ADAMTS2: variants seen among roughly 807,000 people sequenced by gnomAD.
ADAMTS2 encodes A disintegrin and metalloproteinase with thrombospondin motifs 2.
In ADAMTS2, 50 loss-of-function variants were observed where a neutral mutation model predicts 123.0. That is an observed-to-expected ratio of 0.41 (90% CI 0.32 to 0.51). The LOEUF is 0.51. Among genes scored for constraint, ADAMTS2 ranks in the 20% least tolerant of loss-of-function variants. The probability of loss-of-function intolerance (pLI) is 0.35; values close to 1 mark genes in which losing one functional copy is unlikely to be tolerated. For synonymous variants in ADAMTS2, 678 were observed against 695.4 expected (o/e 0.98, Z 0.39); for missense variants, 1,494 against 1,705.2 (o/e 0.88, Z 2.18).
At chr5:179,293,203 G>A (rs1250165358) in intron 2 of ADAMTS2, among the ~76,000 whole-genome samples, 2 of 152,238 alleles carry the variant, frequency 1.3e-5, no homozygotes, top group African/African-American at 4.8e-5. Flanking sequence ...TATTGGTGTT[G>A]CTTTGTCCTG....
chr5:179,275,331 G>C (rs2113518084), intron 2 of ADAMTS2, among the ~76,000 whole-genome samples: 1 of 152,222 alleles, frequency 6.6e-6, no homozygotes, highest in African/African-American at 2.4e-5. Flanking sequence ...AAATGGACAG[G>C]ACGTGGTAGG....
At chr5:179,135,876 G>A (rs898329971) in intron 13 of ADAMTS2, 33 bp downstream of exon 13, 11 of 1,612,040 alleles carry the variant, frequency 6.8e-6, no homozygotes, top group African/African-American at 2.7e-5. Flanking sequence ...GACTTGACAC[G>A]GTAGCCCCCC....
intron 6 of ADAMTS2, among the ~76,000 whole-genome samples, chr5:179,156,362 T>C (rs1344818183): frequency 1.3e-5 from 2 of 149,940 alleles, no homozygotes; most frequent in South Asian, 2.1e-4. Flanking sequence ...GCTTTCGATT[T>C]TTTTTTTTTT....
chr5:179,221,702 G>A (rs978580432), intron 3 of ADAMTS2, among the ~76,000 whole-genome samples: 2 of 152,120 alleles, frequency 1.3e-5, no homozygotes, highest in Non-Finnish European at 2.9e-5. Context: ...AGGCTCCCTG[G>A]ATCTGCCCAG....
At chr5:179,157,126 C>T (rs1274353079) in intron 6 of ADAMTS2, among the ~76,000 whole-genome samples, 1 of 151,994 alleles carries the variant, frequency 6.6e-6, no homozygotes, top group African/African-American at 2.4e-5. Context: ...ACTACACTGG[C>T]TAATTTTTGT....
At chr5:179,297,232 C>T (rs868273293) in intron 2 of ADAMTS2, among the ~76,000 whole-genome samples, 2 of 152,096 alleles carry the variant, frequency 1.3e-5, no homozygotes, top group African/African-American at 2.4e-5. Context: ...GGAAATGGGC[C>T]GGATTGATTT....
intron 5 of ADAMTS2, among the ~76,000 whole-genome samples, chr5:179,168,775 C>T (rs969652762): frequency 1.5e-4 from 23 of 152,226 alleles, no homozygotes; most frequent in Admixed American, 1.1e-3. Flanking sequence ...CTACCGTGCC[C>T]CCCAGCTGAG....
intron 2 of ADAMTS2, among the ~76,000 whole-genome samples, chr5:179,276,459 G>A (rs934605262): frequency 3.9e-5 from 6 of 152,184 alleles, no homozygotes; most frequent in African/African-American, 1.4e-4. Context: ...ATCTGGCCAG[G>A]TGACCTCAGG....
intron 4 of ADAMTS2, among the ~76,000 whole-genome samples, chr5:179,207,119 A>G (rs1446494084): frequency 1.3e-5 from 2 of 152,228 alleles, no homozygotes; most frequent in Non-Finnish European, 2.9e-5. Flanking sequence ...TCTTACTATT[A>G]TATTAGCTTT....
At chr5:179,254,497 A>G (rs1765999095) in intron 3 of ADAMTS2, among the ~76,000 whole-genome samples, 1 of 152,230 alleles carries the variant, frequency 6.6e-6, no homozygotes, top group South Asian at 2.1e-4. Context: ...CCACTGGATT[A>G]CACACTTTCA....
intron 3 of ADAMTS2, among the ~76,000 whole-genome samples, chr5:179,265,535 C>G (rs1167135549): frequency 6.6e-6 from 1 of 152,208 alleles, no homozygotes; most frequent in Non-Finnish European, 1.5e-5. Context: ...GCCTTCACAG[C>G]CCAGGGGGTG....
At chr5:179,343,644 A>C (rs1757844460) in intron 2 of ADAMTS2, 123 bp downstream of exon 2, 1 of 1,355,944 alleles carries the variant, frequency 7.4e-7, no homozygotes. Context: ...TCACTAAAGC[A>C]CGGGAAGGGC....
At chr5:179,251,988 A>AT (rs1363168602) in intron 3 of ADAMTS2, among the ~76,000 whole-genome samples, 9 of 146,044 alleles carry the variant, frequency 6.2e-5, no homozygotes, top group South Asian at 2.2e-4. Flanking sequence ...TGTCTCACTG[A>AT]TTTTTTTTTC....
intron 3 of ADAMTS2, among the ~76,000 whole-genome samples, chr5:179,208,701 G>C (rs57207362): frequency 6.6e-6 from 1 of 152,064 alleles, no homozygotes; most frequent in Non-Finnish European, 1.5e-5. Context: ...CTGCAGCATC[G>C]ATGGCAGCCC....
At chr5:179,140,696 A>T (rs763767241) in intron 10 of ADAMTS2, among the ~76,000 whole-genome samples, 10 of 152,142 alleles carry the variant, frequency 6.6e-5, no homozygotes, top group Admixed American at 2.0e-4. Flanking sequence ...CATCACACAA[A>T]AACGTTTTAA....
At chr5:179,258,272 C>T (rs753657379) in intron 3 of ADAMTS2, among the ~76,000 whole-genome samples, 1 of 152,078 alleles carries the variant, frequency 6.6e-6, no homozygotes. Context: ...CCCAGACCGC[C>T]CCCCGCCAAC....
At chr5:179,163,845 G>T (rs902145478) in intron 5 of ADAMTS2, among the ~76,000 whole-genome samples, 2 of 152,206 alleles carry the variant, frequency 1.3e-5, no homozygotes, top group Non-Finnish European at 2.9e-5. Flanking sequence ...GTGCTGCAGG[G>T]TCCAGAGCTA....
At chr5:179,316,610 C>T (rs1394396058) in intron 2 of ADAMTS2, among the ~76,000 whole-genome samples, 5 of 152,208 alleles carry the variant, frequency 3.3e-5, no homozygotes, top group Non-Finnish European at 5.9e-5. Flanking sequence ...CCCAGTCCAG[C>T]AAGGCCCAGG....
Position 179,256,681 on chromosome 5 carries a change from T to C in ADAMTS2, c.688+16230A>G, listed in dbSNP as rs1561642816. Among the ~76,000 whole-genome samples the C allele has an allele frequency of 6.6e-6, 1 of 152,140 alleles. No individual in the cohort carries two copies. The highest frequency in any genetic ancestry group is 1.5e-5 in the Non-Finnish European group (1 of 68,008). Reference sequence around the variant, plus strand: ...CGAATCGGCAGGGAGGGAGGGGTTGTGTTCGCCCATCCAGAGGAGGCACAG... The same window carrying C: ...CGAATCGGCAGGGAGGGAGGGGTTGCGTTCGCCCATCCAGAGGAGGCACAG... On this transcript the variant is annotated intron_variant, in intron 3 of 21. Coordinates refer to ENST00000251582, the MANE Select transcript of ADAMTS2 (RefSeq NM_014244.5). The surrounding 1 kb of genome is among the most constrained non-coding windows in gnomAD (Gnocchi z 4.1).
Sources: allele counts gnomAD v4.1 joint callset (sites outside exome capture counted in the v4.1 genomes callset), GRCh38; gene constraint gnomAD v4.1.1; non-coding constraint Gnocchi (gnomAD v3.1); transcripts MANE v1.5; gene names NCBI Gene and HGNC (gene_info 2026-07-23, HGNC 2026-07-21).